Variants in DCLK1 observed in about 807,000 individuals in gnomAD.
DCLK1 encodes doublecortin like kinase 1, also known as serine/threonine-protein kinase DCLK1.
Under a neutral mutation model 86.2 loss-of-function variants are expected in DCLK1, and 16 were observed. That is an observed-to-expected ratio of 0.19 (90% CI 0.13 to 0.28). DCLK1 has a LOEUF of 0.28. DCLK1 is among the 10% of genes least tolerant of loss of function. The pLI is 1.00. For missense variants in DCLK1, 590 were observed against 940.2 expected (o/e 0.63, Z 4.87); for synonymous variants, 369 against 370.5 (o/e 1.00, Z 0.05).
At chr13:35,882,996 A>C (rs1873008618) in intron 4 of DCLK1, among the ~76,000 whole-genome samples, 4 of 152,164 alleles carry the variant, frequency 2.6e-5, no homozygotes, top group Admixed American at 2.6e-4. Context: ...TGGTCAGAGA[A>C]GGTCTCTTGG....
At chr13:35,909,530 T>C (rs9574877) in intron 4 of DCLK1, among the ~76,000 whole-genome samples, 25,431 of 151,936 alleles carry the variant, frequency 0.17, 2,611 homozygotes, top group East Asian at 0.34. Flanking sequence ...AGATTTTGTA[T>C]GCAATGAGAA....
chr13:36,096,741 A>G (rs575851681), intron 3 of DCLK1, among the ~76,000 whole-genome samples: 1 of 152,228 alleles, frequency 6.6e-6, no homozygotes, highest in South Asian at 2.1e-4. Flanking sequence ...TAATCAGCTT[A>G]TAAATGGTAT....
chr13:36,131,547 C>T (rs1886363221), upstream of DCLK1, among the ~76,000 whole-genome samples: 1 of 152,130 alleles, frequency 6.6e-6, no homozygotes, highest in Non-Finnish European at 1.5e-5. Context: ...CTCCCAGCGC[C>T]CTCTTCCCAC....
chr13:36,103,561 A>G (rs1258860631), intron 3 of DCLK1, among the ~76,000 whole-genome samples: 1 of 152,176 alleles, frequency 6.6e-6, no homozygotes, highest in Non-Finnish European at 1.5e-5. Flanking sequence ...TACAAAGGAC[A>G]AGACCAATTA....
intron 6 of DCLK1, 31 bp from the exon 7 acceptor site, chr13:35,839,207 A>C: frequency 6.5e-7 from 1 of 1,550,142 alleles, no homozygotes; most frequent in Admixed American, 2.0e-5. Flanking sequence ...GTAATTCAAA[A>C]ACTGGGTCAG....
chr13:36,043,107 AT>A (rs1882750900), intron 3 of DCLK1, among the ~76,000 whole-genome samples: 1 of 152,200 alleles, frequency 6.6e-6, no homozygotes, highest in Non-Finnish European at 1.5e-5. Flanking sequence ...CTTTAAAAAA[AT>A]TCTTGAACTT....
chr13:35,815,893 G>C (rs2087253506), intron 11 of DCLK1, among the ~76,000 whole-genome samples: 1 of 152,146 alleles, frequency 6.6e-6, no homozygotes, highest in South Asian at 2.1e-4. Flanking sequence ...TGAATGTTGT[G>C]CAGATGTTAG....
chr13:35,861,785 G>C (rs1871403359), intron 5 of DCLK1, among the ~76,000 whole-genome samples: 1 of 151,982 alleles, frequency 6.6e-6, no homozygotes, highest in South Asian at 2.1e-4. Context: ...CCAGCACTTT[G>C]GGAGGCCGAG....
intron 2 of DCLK1, among the ~76,000 whole-genome samples, 154 bp downstream of exon 2, chr13:36,125,608 T>C (rs1343275639): frequency 6.6e-6 from 1 of 152,204 alleles, no homozygotes; most frequent in Non-Finnish European, 1.5e-5. Context: ...CTTTTTACTC[T>C]ACACAATAGC....
At chr13:36,013,762 C>T (rs1004902800) in intron 3 of DCLK1, among the ~76,000 whole-genome samples, 7 of 152,178 alleles carry the variant, frequency 4.6e-5, no homozygotes, top group Non-Finnish European at 8.8e-5. Context: ...CCACCCAGTT[C>T]GAGCTTCCTG....
chr13:35,942,028 T>C (rs1470973441), intron 4 of DCLK1, among the ~76,000 whole-genome samples: 5 of 152,162 alleles, frequency 3.3e-5, no homozygotes. Context: ...CTTCTTTTTG[T>C]TTATATGAAT....
At chr13:35,851,623 T>A (rs1360379100) in intron 6 of DCLK1, among the ~76,000 whole-genome samples, 1 of 152,176 alleles carries the variant, frequency 6.6e-6, no homozygotes, top group Non-Finnish European at 1.5e-5. Context: ...AAAAAGTTCA[T>A]GAGTGGGAAA....
chr13:35,909,613 GT>G (rs1217578678), intron 4 of DCLK1, among the ~76,000 whole-genome samples: 1,745 of 95,586 alleles, frequency 0.018, 41 homozygotes, highest in African/African-American at 0.061. Flanking sequence ...GTGTGTGTGT[GT>G]GTGTGTGTGT....
chr13:35,842,818 G>A (rs1378367046), intron 6 of DCLK1, among the ~76,000 whole-genome samples: 1 of 152,090 alleles, frequency 6.6e-6, no homozygotes, highest in Non-Finnish European at 1.5e-5. Flanking sequence ...TTTAGATTCT[G>A]ATCTGGTCTC....
intron 3 of DCLK1, among the ~76,000 whole-genome samples, chr13:35,980,723 A>G (rs931974777): frequency 6.6e-6 from 1 of 152,142 alleles, no homozygotes; most frequent in Non-Finnish European, 1.5e-5. Flanking sequence ...AGATTCTCCT[A>G]AGGAGTATGC....
intron 4 of DCLK1, among the ~76,000 whole-genome samples, chr13:35,943,545 A>G (rs1202230205): frequency 6.6e-6 from 1 of 152,140 alleles, no homozygotes; most frequent in African/African-American, 2.4e-5. Flanking sequence ...CTGAGAAAAG[A>G]TGAAAGAGAG....
At chr13:35,810,250 A>C (rs1328010211) in intron 12 of DCLK1, among the ~76,000 whole-genome samples, 2 of 152,232 alleles carry the variant, frequency 1.3e-5, no homozygotes, top group Non-Finnish European at 2.9e-5. Flanking sequence ...TAAGAAGTAA[A>C]GGAGTTTCAG....
intron 3 of DCLK1, among the ~76,000 whole-genome samples, chr13:36,108,420 A>C (rs1264963982): frequency 6.6e-6 from 1 of 152,216 alleles, no homozygotes; most frequent in Admixed American, 6.5e-5. Context: ...AGTACTGTTC[A>C]ATGAACTCTT....
chr13:35,915,701 C>G (rs1294227397), intron 4 of DCLK1, among the ~76,000 whole-genome samples: 1 of 152,020 alleles, frequency 6.6e-6, no homozygotes. Context: ...GACCCCACCT[C>G]AAAAACAAAC....
Sources: gnomAD v4.1 joint callset for allele counts (sites outside exome capture counted in the v4.1 genomes callset) on GRCh38, gnomAD v4.1.1 for gene constraint, MANE v1.5 for transcripts, NCBI Gene and HGNC (gene_info 2026-07-23, HGNC 2026-07-21) for gene names.